The following GOLGA3 variants were observed in gnomAD, a reference collection of about 807,000 sequenced individuals.
GOLGA3 encodes the protein golgin A3, also known as golgin subfamily A member 3.
In GOLGA3, 75 loss-of-function variants were observed where a neutral mutation model predicts 169.4. That is an observed-to-expected ratio of 0.44 (90% CI 0.37 to 0.54). The LOEUF is 0.54. Among genes scored for constraint, GOLGA3 ranks in the 20% least tolerant of loss-of-function variants. The probability of loss-of-function intolerance (pLI) is 0.00; values close to 1 mark genes in which losing one functional copy is unlikely to be tolerated. For synonymous variants in GOLGA3, 824 were observed against 822.4 expected, an observed-to-expected ratio of 1.00 and a Z score of -0.03; for missense variants, 1,899 against 1,930.0, an observed-to-expected ratio of 0.98 and a Z score of 0.30.
In GOLGA3 at chr12:132,821,901, C is replaced by T. The variant is rs537962690; in HGVS notation, c.133+95G>A. 25 of 704,146 alleles carry T rather than the reference C, an allele frequency of 3.6e-5. No individual in the cohort carries two copies. The South Asian group carries it at 4.6e-4, about 13-fold the overall frequency. The allele number at this position is 704,146 out of a possible 1,614,324, so 43.6% of individuals were successfully genotyped here. A position where few individuals can be genotyped will look rare whatever the true frequency, so the allele number is the denominator to read the frequency against. On this transcript the variant is annotated intron_variant, in intron 2 of 23. Coordinates refer to ENST00000450791, the MANE Select transcript of GOLGA3 (RefSeq NM_001389683.1). Reference sequence around the variant, plus strand: ...AACTTTGAATTAAGTGAAAAGCTCACAGTGGTCTCAACGCCACATCCTCCC... The same window carrying T: ...AACTTTGAATTAAGTGAAAAGCTCATAGTGGTCTCAACGCCACATCCTCCC...
At chr12:132,821,572 C>T (rs149618938) in intron 2 of GOLGA3, among the ~76,000 whole-genome samples, 19 of 151,106 alleles carry the variant, frequency 1.3e-4, no homozygotes, top group African/African-American at 3.6e-4. Context: ...TACTTTGGGC[C>T]GGGCACAGTG....
Position 132,804,588 on chromosome 12 carries a change from G to C in GOLGA3, c.1597+128C>G. ...GGAGGGAGCAGCGGGGACCAGTCGAGGAAGGAGGAGGGAGCAGCAAGGACC... is the reference window on the plus strand; with the variant it reads ...GGAGGGAGCAGCGGGGACCAGTCGACGAAGGAGGAGGGAGCAGCAAGGACC... On this transcript the variant is annotated intron_variant, in intron 7 of 23. Transcript: ENST00000450791. This position sits in a 1 kb window ranked among gnomAD's most constrained non-coding sequence, Gnocchi z 4.1. 1 of 750,496 alleles carries C rather than the reference G, an allele frequency of 1.3e-6. No individual in the cohort carries two copies. The highest frequency in any genetic ancestry group is 2.2e-6 in the Non-Finnish European group (1 of 453,648). 46.5% of individuals were successfully genotyped at this position (750,496 alleles called of 1,614,324 possible).
intron 2 of GOLGA3, among the ~76,000 whole-genome samples, chr12:132,818,937 T>C (rs1484082025): frequency 1.3e-5 from 2 of 152,042 alleles, no homozygotes; most frequent in South Asian, 4.2e-4. Context: ...TATATACAAA[T>C]TACCCACAAC....
At chr12:132,776,877 G>C (rs2045276498) in intron 20 of GOLGA3, 81 bp downstream of exon 20, 1 of 1,543,568 alleles carries the variant, frequency 6.5e-7, no homozygotes, top group African/African-American at 1.4e-5. Context: ...CATCACTGTT[G>C]CTCCCCAAGC....
chr12:132,774,207 G>A lies in GOLGA3; in HGVS notation c.4257C>T (p.Ala1419=), dbSNP rs537918564. The A allele has an allele frequency of 2.7e-4, 441 of 1,609,250 alleles. No individual in the cohort carries two copies. The highest frequency in any genetic ancestry group is 3.1e-4 in the Non-Finnish European group (369 of 1,177,774). ...LLEELLRPPP[A]VSKEPLKNLN... ...GGTTCTTGAGGGGCTCCTTGCTCAC[G>A]GCGGGCGGTGGTCTCAGCAGCTCCT... The change falls in exon 23 of 24, where the codon GCC becomes GCT. Residue 1419 remains alanine (A), a synonymous_variant. Coordinates refer to ENST00000450791, the MANE Select transcript of GOLGA3 (RefSeq NM_001389683.1).
chr12:132,777,232 G>T lies in GOLGA3; in HGVS notation c.3723-142C>A. 1 of 861,462 alleles carries T rather than the reference G, an allele frequency of 1.2e-6. No individual in the cohort carries two copies. The highest frequency in any genetic ancestry group is 1.8e-6 in the Non-Finnish European group (1 of 569,434). The allele number at this position is 861,462 out of a possible 1,614,324, so 53.4% of individuals were successfully genotyped here. ...ACTGCGTGCTGCAGCCATGCTTGGT[G>T]CCCACAGTGTGCACTCGGGCAGTCC... is the stretch of plus-strand genomic sequence containing the variant. On this transcript the variant is annotated intron_variant, in intron 19 of 23. Coordinates refer to ENST00000450791, the MANE Select transcript of GOLGA3 (RefSeq NM_001389683.1). This position sits in a 1 kb window ranked among gnomAD's most constrained non-coding sequence, Gnocchi z 4.7.
intron 9 of GOLGA3, among the ~76,000 whole-genome samples, chr12:132,797,927 C>T (rs1054452935): frequency 1.3e-5 from 2 of 152,218 alleles, no homozygotes; most frequent in Non-Finnish European, 1.5e-5. Context: ...CCCTAGGCTT[C>T]GACAGGCTGT....
intron 23 of GOLGA3, 100 bp from the exon 24 acceptor site, chr12:132,773,394 G>A: frequency 1.5e-6 from 1 of 680,668 alleles, no homozygotes; most frequent in Non-Finnish European, 2.3e-6. Context: ...GAGTGGACCG[G>A]GGCGCCTTCG....
rs1008563022 is a variant in GOLGA3 at position 132,795,844 on chromosome 12, T to C, written c.2469+8A>G. 5 of 1,608,932 alleles carry C rather than the reference T, an allele frequency of 3.1e-6. No homozygotes were observed. The highest frequency in any genetic ancestry group is 4.3e-6 in the Non-Finnish European group (5 of 1,175,788). On this transcript the variant is annotated splice_region_variant and intron_variant, in intron 11 of 23. Coordinates refer to ENST00000450791, the MANE Select transcript of GOLGA3 (RefSeq NM_001389683.1). The stretch of plus-strand genomic sequence containing the variant: ...TGATTCAAAACAAAACACAGCAGAA[T>C]GCATTACCTGGCCGGATTTGATAGC...
rs2044781210 is a variant in GOLGA3, at chr12:132,769,084, AAAC to A, written c.*4018_*4020del. 6.6e-6 allele frequency: 1 copy of A among 152,592 alleles called. No homozygotes were observed. Among genetic ancestry groups the A allele is most frequent in the South Asian group, 2.1e-4 (1 of 4,834 alleles). 9.5% of individuals were successfully genotyped at this position (152,592 alleles called of 1,614,324 possible). ...TCTTTTGTGAGGAAATTTTTAATAA[AAAC>A]AAGTAACTCAAAAGCACTGAATTTT... On this transcript the variant is annotated 3_prime_UTR_variant, in exon 24 of 24. Transcript: ENST00000450791.
chr12:132,781,950 C>T (rs2045629351), intron 17 of GOLGA3, among the ~76,000 whole-genome samples: 1 of 152,118 alleles, frequency 6.6e-6, no homozygotes, highest in Admixed American at 6.5e-5. Flanking sequence ...AGGTCTGCCC[C>T]CCGACTAAGC....
chr12:132,781,229 T>C (rs1287525284), intron 17 of GOLGA3, among the ~76,000 whole-genome samples: 1 of 139,014 alleles, frequency 7.2e-6, no homozygotes, highest in Non-Finnish European at 1.6e-5. Flanking sequence ...TCCACCGCAC[T>C]GCCCTCCACT....
rs761933605 is a variant in GOLGA3 at position 132,789,128 on chromosome 12, G to A, written c.2710C>T (p.Leu904=). 26 of 1,613,216 alleles carry A rather than the reference G, an allele frequency of 1.6e-5. No homozygotes were observed. The East Asian group carries it at 5.1e-4, about 32-fold the overall frequency. ...KRTAEAELSR[L]HREVAQVRQH... is the part of the protein sequence containing the mutation. ...CGGACCTGGGCCACCTCTCTGTGCAGGCGCGAGAGCTCCGCCTCGGCAGTC... is the reference window on the plus strand; with the variant it reads ...CGGACCTGGGCCACCTCTCTGTGCAAGCGCGAGAGCTCCGCCTCGGCAGTC... The change falls in exon 13 of 24, where the codon CTG becomes TTG. Residue 904 remains leucine (L), a synonymous_variant. Transcript: ENST00000450791.
In GOLGA3 at chr12:132,798,245, T is replaced by C. The variant is rs916392833; in HGVS notation, c.1938+95A>G. 50 of 1,184,190 alleles carry C rather than the reference T, an allele frequency of 4.2e-5. 1 individual carries two copies. The highest frequency in any genetic ancestry group is 2.5e-4 in the South Asian group (17 of 67,274). The allele number at this position is 1,184,190 out of a possible 1,614,324, so 73.4% of individuals were successfully genotyped here. ...GCCATCCATGAGAATATTTAAGAGATACACACAGAGAGACGGAACATGTAA... is the reference window on the plus strand; with the variant it reads ...GCCATCCATGAGAATATTTAAGAGACACACACAGAGAGACGGAACATGTAA... On this transcript the variant is annotated intron_variant, in intron 9 of 23. Coordinates refer to ENST00000450791, the MANE Select transcript of GOLGA3 (RefSeq NM_001389683.1).
Position 132,769,622 on chromosome 12 carries a change from G to A in GOLGA3, c.*3483C>T, listed in dbSNP as rs1269401059. 6.6e-6 allele frequency: 1 copy of A among 152,224 alleles called. No individual in the cohort carries two copies. Among genetic ancestry groups the A allele is most frequent in the Admixed American group, 6.5e-5 (1 of 15,286 alleles). The allele number at this position is 152,224 out of a possible 1,614,324, so 9.4% of individuals were successfully genotyped here. ...TGAAAACCAAGTTACGTTGTTTTTG[G>A]AACATCAGAAAAACAAGTAGTGACA... On this transcript the variant is annotated 3_prime_UTR_variant, in exon 24 of 24. Coordinates refer to ENST00000450791, the MANE Select transcript of GOLGA3 (RefSeq NM_001389683.1).
At chr12:132,823,806 C>T (rs1183998854) in intron 1 of GOLGA3, among the ~76,000 whole-genome samples, 8 of 145,300 alleles carry the variant, frequency 5.5e-5, no homozygotes, top group Non-Finnish European at 1.1e-4. Context: ...AAAAGGGCTG[C>T]GTGTGATGGC....
At position 132,796,648 on chromosome 12, in the gene GOLGA3, G is replaced by A. The variant is rs748471649; in HGVS notation, c.1991C>T (p.Thr664Met). Residue 664 changes from threonine (T) to methionine (M), a missense_variant, in exon 10 of 24, where the codon ACG becomes ATG. Transcript: ENST00000450791. ...CCTCTGAAGGTCCTCCTCCACCATC[G>A]TCTTTGCCTCCTGAATCTGCATGAA... ...AAFMQIQEAK[T>M]MVEEDLQRRL... is the part of the protein sequence containing the mutation. 22 of 1,613,882 alleles carry A rather than the reference G, an allele frequency of 1.4e-5. No individual in the cohort carries two copies. Among genetic ancestry groups the A allele is most frequent in the South Asian group, 7.7e-5 (7 of 91,088 alleles).
At chr12:132,781,049 G>A in intron 17 of GOLGA3, 135 bp from the exon 18 acceptor site, 1 of 665,082 alleles carries the variant, frequency 1.5e-6, no homozygotes, top group Admixed American at 2.4e-5. Context: ...CACTGCTGAA[G>A]AATCTGTGAC....
Position 132,804,950 on chromosome 12 carries a change from A to G in GOLGA3, c.1363T>C (p.Cys455Arg). Residue 455 changes from cysteine (C) to arginine (R), a missense_variant, in exon 7 of 24, where the codon TGC (cysteine) becomes CGC (arginine). Transcript: ENST00000450791. This position sits in a 1 kb window ranked among gnomAD's most constrained non-coding sequence, Gnocchi z 4.1. ...TGCCGCTGCTGGCTGCTGTGGCTGC[A>G]CTCCACCTGCGCCTGCAGCTTCGTG... ...LSTKLQAQVE[C>R]SHSSQQRQDS... is the part of the protein sequence containing the mutation. The G allele has an allele frequency of 1.2e-6, 2 of 1,613,152 alleles. No individual in the cohort carries two copies. Among genetic ancestry groups the G allele is most frequent in the Non-Finnish European group, 1.7e-6 (2 of 1,179,956 alleles).
Sources: gnomAD v4.1 joint callset for allele counts (sites outside exome capture counted in the v4.1 genomes callset) on GRCh38, gnomAD v4.1.1 for gene constraint, Gnocchi (gnomAD v3.1) non-coding constraint, MANE v1.5 for transcripts, NCBI Gene and HGNC (gene_info 2026-07-23, HGNC 2026-07-21) for gene names.